CRB1: variants seen among roughly 807,000 people sequenced by gnomAD.
The protein encoded by CRB1 is crumbs cell polarity complex component 1.
Under a neutral mutation model 120.0 loss-of-function variants are expected in CRB1, and 83 were observed. The ratio of observed to expected loss-of-function variants is 0.69; its 90% confidence interval spans 0.58 to 0.83. CRB1 has a LOEUF of 0.83. Ranked by LOEUF, CRB1 falls within the 40% of genes least tolerant of loss-of-function variation. CRB1 has a pLI of 0.00. For missense variants in CRB1, 1,699 were observed against 1,687.6 expected (o/e 1.01, Z -0.12); for synonymous variants, 625 against 612.5 (o/e 1.02, Z -0.30).
chr1:197,211,634 C>G, the CRB1 span, among the ~76,000 whole-genome samples: 13 of 152,110 alleles, frequency 8.5e-5, no homozygotes, highest in African/African-American at 3.1e-4. Flanking sequence ...TGCCTTGCCT[C>G]TTAATGCCAC....
At chr1:197,404,402 A>C (rs952310731) in intron 5 of CRB1, among the ~76,000 whole-genome samples, 3 of 138,588 alleles carry the variant, frequency 2.2e-5, no homozygotes, top group Non-Finnish European at 4.5e-5. Flanking sequence ...AGATCCCGCC[A>C]CTGCACTCCA....
chr1:197,402,320 G>C (rs780867219), intron 5 of CRB1, among the ~76,000 whole-genome samples: 1 of 152,102 alleles, frequency 6.6e-6, no homozygotes, highest in Non-Finnish European at 1.5e-5. Flanking sequence ...TTGGTTTTCT[G>C]TTCCTGCATT....
At chr1:197,355,434 C>T (rs1269546666) in intron 4 of CRB1, among the ~76,000 whole-genome samples, 7 of 152,232 alleles carry the variant, frequency 4.6e-5, no homozygotes, top group South Asian at 2.1e-4. Context: ...GACCCGGCGC[C>T]GCGGAGCAGG....
At chr1:197,459,025 G>T (rs994673593) in intron 11 of CRB1, among the ~76,000 whole-genome samples, 1 of 152,080 alleles carries the variant, frequency 6.6e-6, no homozygotes, top group Non-Finnish European at 1.5e-5. Flanking sequence ...ACATTCAAGA[G>T]AGAAAAATGT....
intron 11 of CRB1, among the ~76,000 whole-genome samples, chr1:197,471,600 A>C (rs1666980553): frequency 6.6e-6 from 1 of 152,192 alleles, no homozygotes; most frequent in Admixed American, 6.5e-5. Context: ...ATTTGGTGGA[A>C]GGAGCATCTG....
At chr1:197,346,174 C>T (rs527424914) in intron 3 of CRB1, among the ~76,000 whole-genome samples, 3 of 152,014 alleles carry the variant, frequency 2.0e-5, no homozygotes, top group South Asian at 2.1e-4. Flanking sequence ...GTACCATTAT[C>T]TCTTATTGCC....
chr1:197,386,022 G>A (rs534308395), intron 5 of CRB1, among the ~76,000 whole-genome samples: 2 of 152,030 alleles, frequency 1.3e-5, no homozygotes, highest in African/African-American at 4.8e-5. Context: ...AATTTGTACA[G>A]GAATAAATTC....
chr1:197,365,467 G>C (rs934049038), intron 5 of CRB1, among the ~76,000 whole-genome samples: 24 of 152,016 alleles, frequency 1.6e-4, no homozygotes, highest in African/African-American at 5.8e-4. Flanking sequence ...AATTCCTTTT[G>C]CCATGGCCCC....
At chr1:197,303,984 T>A (rs1481203451) in intron 1 of CRB1, among the ~76,000 whole-genome samples, 1 of 152,038 alleles carries the variant, frequency 6.6e-6, no homozygotes, top group Non-Finnish European at 1.5e-5. Flanking sequence ...AGAGACGCCA[T>A]CTCTTAAAAA....
At chr1:197,462,441 A>G (rs751831826) in intron 11 of CRB1, among the ~76,000 whole-genome samples, 1 of 152,108 alleles carries the variant, frequency 6.6e-6, no homozygotes, top group Admixed American at 6.5e-5. Context: ...TACAAAAACA[A>G]CTCCGAAGTT....
At chr1:197,429,407 G>A (rs1664761160) in intron 7 of CRB1, 42 bp from the exon 8 acceptor site, 2 of 1,607,438 alleles carry the variant, frequency 1.2e-6, no homozygotes, top group South Asian at 1.1e-5. Flanking sequence ...TTTCTATTTA[G>A]TTGCCAGTGC....
intron 10 of CRB1, 112 bp from the exon 11 acceptor site, chr1:197,442,054 G>C (rs1308676133): frequency 1.7e-6 from 2 of 1,165,754 alleles, no homozygotes; most frequent in Non-Finnish European, 2.6e-6. Context: ...ATGTGTGGAT[G>C]GGTAGATAAG....
At chr1:197,296,159 G>A (rs145088258) in intron 1 of CRB1, among the ~76,000 whole-genome samples, 1 of 152,088 alleles carries the variant, frequency 6.6e-6, no homozygotes, top group East Asian at 1.9e-4. Context: ...CACAAATAAT[G>A]TTCATAGTAT....
chr1:197,212,021 C>T, the CRB1 span, among the ~76,000 whole-genome samples: 2 of 151,940 alleles, frequency 1.3e-5, no homozygotes, highest in African/African-American at 4.8e-5. Context: ...AGGGAAAGAT[C>T]TTTTTTATCT....
chr1:197,346,680 C>T (rs1659794717), intron 3 of CRB1, among the ~76,000 whole-genome samples: 1 of 152,184 alleles, frequency 6.6e-6, no homozygotes, highest in Admixed American at 6.5e-5. Context: ...AATTAAAAGT[C>T]TCCTCTTAAT....
chr1:197,431,146 G>C (rs916695599), intron 8 of CRB1, among the ~76,000 whole-genome samples: 4 of 152,016 alleles, frequency 2.6e-5, no homozygotes, highest in Non-Finnish European at 4.4e-5. Context: ...TTTGGCTTAA[G>C]GTCAGTAGCA....
At chr1:197,398,684 G>C (rs1007396978) in intron 5 of CRB1, among the ~76,000 whole-genome samples, 10 of 152,162 alleles carry the variant, frequency 6.6e-5, no homozygotes, top group African/African-American at 2.2e-4. Context: ...AAAAGGAAGA[G>C]GTTTGGGTAT....
chr1:197,260,515 GA>G, the CRB1 span, among the ~76,000 whole-genome samples: 1 of 149,548 alleles, frequency 6.7e-6, no homozygotes, highest in African/African-American at 2.5e-5. Context: ...AGCCTGATAA[GA>G]AAAAAAAGCA....
chr1:197,202,962 GGTGTGTGT>G, the CRB1 span, among the ~76,000 whole-genome samples: 1 of 147,534 alleles, frequency 6.8e-6, no homozygotes, highest in African/African-American at 2.5e-5. Context: ...ATGTCTTTGT[GGTGTGTGT>G]GTGTGTGTGT....
Sources: allele counts gnomAD v4.1 joint callset (sites outside exome capture counted in the v4.1 genomes callset), GRCh38; gene constraint gnomAD v4.1.1; transcripts MANE v1.5; gene names NCBI Gene and HGNC (gene_info 2026-07-23, HGNC 2026-07-21).